Variants in CSMD2 observed in about 807,000 individuals in gnomAD.
The protein encoded by CSMD2 is CUB and sushi domain-containing protein 2.
A neutral mutation model predicts 398.5 loss-of-function variants in CSMD2; 130 were observed. That is an observed-to-expected ratio of 0.33 (90% CI 0.28 to 0.38). The LOEUF is 0.38. Ranked by LOEUF, CSMD2 falls within the 10% of genes least tolerant of loss-of-function variation. The pLI is 1.00. For synonymous variants in CSMD2, 1,828 were observed against 1,908.5 expected, an observed-to-expected ratio of 0.96 and a Z score of 1.10; for missense variants, 3,829 against 4,764.9, an observed-to-expected ratio of 0.80 and a Z score of 5.78.
chr1:33,615,520 C>A (rs1271575455), intron 39 of CSMD2, among the ~76,000 whole-genome samples: 2 of 152,150 alleles, frequency 1.3e-5, no homozygotes, highest in Non-Finnish European at 2.9e-5. Context: ...CCTTCACTTC[C>A]GATGGGACCG....
chr1:33,574,353 T>C (rs1659875173), intron 49 of CSMD2, among the ~76,000 whole-genome samples: 1 of 152,300 alleles, frequency 6.6e-6, no homozygotes, highest in Middle Eastern at 3.4e-3. Context: ...ATAGGAGGAA[T>C]AGGAATTACT....
chr1:33,918,542 G>C (rs191916163), intron 4 of CSMD2, among the ~76,000 whole-genome samples: 16 of 152,282 alleles, frequency 1.1e-4, no homozygotes, highest in African/African-American at 3.1e-4. Context: ...TGGAGAAGAG[G>C]GGGAAGGACA....
intron 2 of CSMD2, among the ~76,000 whole-genome samples, chr1:34,060,694 G>A (rs1246398083): frequency 6.6e-6 from 1 of 150,472 alleles, no homozygotes; most frequent in Non-Finnish European, 1.5e-5. Context: ...TATTTTGTAA[G>A]AATCTAATTT....
chr1:33,755,052 G>A (rs1452744853), intron 13 of CSMD2, among the ~76,000 whole-genome samples: 1 of 152,066 alleles, frequency 6.6e-6, no homozygotes, highest in East Asian at 1.9e-4. Context: ...GACTGAGATT[G>A]GTGTTCATGA....
chr1:34,141,811 G>C (rs984597756), intron 1 of CSMD2, among the ~76,000 whole-genome samples: 3 of 152,176 alleles, frequency 2.0e-5, no homozygotes, highest in Non-Finnish European at 2.9e-5. Context: ...TGCAAGGAGG[G>C]AAACCAGGGA....
intron 5 of CSMD2, among the ~76,000 whole-genome samples, chr1:33,865,662 T>C (rs533900124): frequency 2.0e-5 from 3 of 152,204 alleles, no homozygotes; most frequent in Admixed American, 6.5e-5. Flanking sequence ...GTCCAGGGAA[T>C]GTGGACAGCC....
chr1:33,578,017 A>T (rs1638416317), intron 48 of CSMD2, among the ~76,000 whole-genome samples: 1 of 152,144 alleles, frequency 6.6e-6, no homozygotes, highest in African/African-American at 2.4e-5. Context: ...TTTAAGCTGT[A>T]TATGTAGATT....
In CSMD2 at chr1:34,099,154, C is replaced by T. The variant is rs183367198; in HGVS notation, c.188-9961G>A. 2.6e-5 allele frequency among the ~76,000 whole-genome samples: 4 copies of T among 152,282 alleles called. No homozygotes were observed. In the East Asian group the frequency reaches 5.8e-4, roughly 22 times the overall value. On this transcript the variant is annotated intron_variant, in intron 1 of 70. Transcript: ENST00000373381. ...TTTCAGAGAAGCCCTGAGTACACTT[C>T]CTTGAACTTTCCCTCACTGGTACAG... is the stretch of plus-strand genomic sequence containing the variant.
rs1570721208 is a variant in CSMD2, at chr1:33,556,355, AC to A, written c.8743+1378del. On this transcript the variant is annotated intron_variant, in intron 55 of 70. Transcript: ENST00000373381. ...GAAAATACAAGCAGTGAGCAGCTAT[AC>A]CAGGCTCCTGTTAGACCTACAGCCA... 3.9e-5 allele frequency among the ~76,000 whole-genome samples: 6 copies of A among 152,320 alleles called. No homozygotes were observed. The East Asian group carries it at 1.2e-3, about 29-fold the overall frequency.
chr1:33,719,167 G>A (rs571694873), intron 19 of CSMD2, among the ~76,000 whole-genome samples: 4 of 152,182 alleles, frequency 2.6e-5, no homozygotes, highest in South Asian at 2.1e-4. Flanking sequence ...ATGTGCCCAC[G>A]TGCATGCTCT....
chr1:34,032,938 C>A (rs1219591156), intron 2 of CSMD2, among the ~76,000 whole-genome samples: 1 of 152,182 alleles, frequency 6.6e-6, no homozygotes, highest in Non-Finnish European at 1.5e-5. Flanking sequence ...TGGAGGCTTG[C>A]CTGCTTCCTT....
At chr1:33,943,965 G>A (rs147583828) in intron 3 of CSMD2, among the ~76,000 whole-genome samples, 2 of 146,036 alleles carry the variant, frequency 1.4e-5, no homozygotes, top group South Asian at 4.3e-4. Flanking sequence ...CACACACGAA[G>A]CAATAAATAG....
intron 2 of CSMD2, among the ~76,000 whole-genome samples, chr1:34,046,364 G>A (rs190894752): frequency 6.6e-6 from 1 of 152,268 alleles, no homozygotes; most frequent in African/African-American, 2.4e-5. Flanking sequence ...CAGAGTTGTT[G>A]GGGTATAAAT....
At chr1:34,063,134 C>A (rs1405144660) in intron 2 of CSMD2, among the ~76,000 whole-genome samples, 2 of 152,180 alleles carry the variant, frequency 1.3e-5, no homozygotes, top group Non-Finnish European at 1.5e-5. Flanking sequence ...CTTCCCACAG[C>A]ATGTAGGAAT....
intron 48 of CSMD2, among the ~76,000 whole-genome samples, chr1:33,578,500 C>T (rs1457708065): frequency 6.6e-6 from 1 of 152,190 alleles, no homozygotes; most frequent in Admixed American, 6.5e-5. Flanking sequence ...ATCACTTGAA[C>T]CCAGGAGGTG....
chr1:33,732,915 G>A (rs184352701), intron 15 of CSMD2, among the ~76,000 whole-genome samples: 4 of 152,292 alleles, frequency 2.6e-5, no homozygotes, highest in South Asian at 2.1e-4. Flanking sequence ...CCTATAAGGC[G>A]GGCACAGACA....
At chr1:33,849,309 C>T (rs1258674984) in intron 5 of CSMD2, among the ~76,000 whole-genome samples, 5 of 152,078 alleles carry the variant, frequency 3.3e-5, no homozygotes, top group East Asian at 1.9e-4. Flanking sequence ...ATGCCTTGCT[C>T]GAAACTCTCC....
At chr1:33,616,205 C>T (rs1042464714) in intron 39 of CSMD2, among the ~76,000 whole-genome samples, 12 of 152,092 alleles carry the variant, frequency 7.9e-5, no homozygotes, top group South Asian at 2.1e-4. Flanking sequence ...TTGTTTCGCA[C>T]GTAGCCCTCA....
intron 57 of CSMD2, among the ~76,000 whole-genome samples, chr1:33,543,695 T>C (rs1656580146): frequency 6.6e-6 from 1 of 152,248 alleles, no homozygotes; most frequent in Non-Finnish European, 1.5e-5. Context: ...AAAGTGGTGA[T>C]ATTCTAATTC....
Sources: gnomAD v4.1 joint callset for allele counts (sites outside exome capture counted in the v4.1 genomes callset) on GRCh38, gnomAD v4.1.1 for gene constraint, MANE v1.5 for transcripts, NCBI Gene and HGNC (gene_info 2026-07-23, HGNC 2026-07-21) for gene names.